The following LRMDA variants were observed in gnomAD, a reference collection of about 807,000 sequenced individuals.
LRMDA encodes leucine rich melanocyte differentiation associated, also known as leucine-rich melanocyte differentiation-associated protein.
Under a neutral mutation model 29.8 loss-of-function variants are expected in LRMDA, and 18 were observed. The observed-to-expected ratio is 0.60, with a 90% CI of 0.42 to 0.90. The LOEUF (loss-of-function observed/expected upper bound fraction) is 0.90. Among genes scored for constraint, LRMDA ranks in the 40% least tolerant of loss-of-function variants. The probability of loss-of-function intolerance (pLI) is 0.00; values close to 1 mark genes in which losing one functional copy is unlikely to be tolerated. For missense variants in LRMDA, 273 were observed against 273.9 expected (o/e 1.00, Z 0.02); for synonymous variants, 125 against 109.4 (o/e 1.14, Z -0.89).
intron 2 of LRMDA, among the ~76,000 whole-genome samples, chr10:75,615,505 A>G (rs534944066): frequency 6.6e-6 from 1 of 152,312 alleles, no homozygotes; most frequent in South Asian, 2.1e-4. Context: ...TTTTCAGATT[A>G]GGAATACTCA....
chr10:76,052,624 C>T (rs1406065697), intron 4 of LRMDA, among the ~76,000 whole-genome samples: 1 of 152,200 alleles, frequency 6.6e-6, no homozygotes, highest in Admixed American at 6.5e-5. Flanking sequence ...TTAGCTCTCT[C>T]CTTAGAGGAG....
chr10:76,298,621 G>C (rs1342443224), intron 5 of LRMDA, among the ~76,000 whole-genome samples: 1 of 152,148 alleles, frequency 6.6e-6, no homozygotes, highest in Non-Finnish European at 1.5e-5. Context: ...GAGGCCTGGG[G>C]TAGCCAAAGA....
At chr10:76,138,855 C>T (rs758924327) in intron 5 of LRMDA, among the ~76,000 whole-genome samples, 1 of 151,924 alleles carries the variant, frequency 6.6e-6, no homozygotes, top group Non-Finnish European at 1.5e-5. Flanking sequence ...TATTTAGTGG[C>T]GAGGTGTTTA....
intron 2 of LRMDA, among the ~76,000 whole-genome samples, chr10:75,951,631 C>T (rs1231575235): frequency 6.6e-6 from 1 of 152,208 alleles, no homozygotes; most frequent in Non-Finnish European, 1.5e-5. Flanking sequence ...TCTGAGGAAT[C>T]ACTTAAAACA....
At chr10:75,498,224 TGTGGGAATAGCTAGTCAAAATCTTATG>T (rs1448818201) in intron 2 of LRMDA, among the ~76,000 whole-genome samples, 5 of 152,234 alleles carry the variant, frequency 3.3e-5, no homozygotes, top group Non-Finnish European at 5.9e-5. Flanking sequence ...TTAGGGAATG[TGTGGGAATAGCTAGTCAAAATCTTATG>T]GGGCTATAAA....
intron 2 of LRMDA, among the ~76,000 whole-genome samples, chr10:75,776,399 T>C (rs1410213142): frequency 6.6e-6 from 1 of 152,230 alleles, no homozygotes; most frequent in East Asian, 1.9e-4. Flanking sequence ...TACTATTTGT[T>C]GGACTTGATT....
chr10:76,064,734 T>C (rs1286015904), intron 5 of LRMDA, among the ~76,000 whole-genome samples: 1 of 152,222 alleles, frequency 6.6e-6, no homozygotes, highest in African/African-American at 2.4e-5. Flanking sequence ...TTTTCAAGAA[T>C]ATATATTTTA....
intron 2 of LRMDA, among the ~76,000 whole-genome samples, chr10:75,983,631 A>G (rs1333130647): frequency 1.3e-5 from 2 of 152,164 alleles, no homozygotes; most frequent in Non-Finnish European, 2.9e-5. Flanking sequence ...GTGCATATAC[A>G]TACGCGTACA....
At chr10:76,180,620 G>C (rs938890605) in intron 5 of LRMDA, among the ~76,000 whole-genome samples, 6 of 152,038 alleles carry the variant, frequency 3.9e-5, no homozygotes, top group African/African-American at 1.4e-4. Flanking sequence ...ATACCTCTGA[G>C]GTTTAAAGGC....
At chr10:75,462,030 C>A (rs2132038670) in intron 2 of LRMDA, among the ~76,000 whole-genome samples, 2 of 152,358 alleles carry the variant, frequency 1.3e-5, no homozygotes, top group South Asian at 4.1e-4. Flanking sequence ...AGTACGCTAA[C>A]TTGCATTTGA....
At chr10:76,185,272 C>T (rs766831935) in intron 5 of LRMDA, among the ~76,000 whole-genome samples, 2 of 152,116 alleles carry the variant, frequency 1.3e-5, no homozygotes, top group Non-Finnish European at 2.9e-5. Context: ...GGCTAAACTT[C>T]CTGGTGGGGC....
chr10:76,278,017 G>A (rs910777664), intron 5 of LRMDA, among the ~76,000 whole-genome samples: 1 of 152,116 alleles, frequency 6.6e-6, no homozygotes, highest in Non-Finnish European at 1.5e-5. Context: ...TTTCCCAGTG[G>A]TTACTTAATC....
chr10:75,510,619 G>T (rs1845214800), intron 2 of LRMDA, among the ~76,000 whole-genome samples: 1 of 152,222 alleles, frequency 6.6e-6, no homozygotes, highest in Non-Finnish European at 1.5e-5. Flanking sequence ...AAATCTACCA[G>T]CTCCAAGCTG....
chr10:75,732,273 C>T (rs1392324640), intron 2 of LRMDA, among the ~76,000 whole-genome samples: 1 of 152,020 alleles, frequency 6.6e-6, no homozygotes, highest in African/African-American at 2.4e-5. Flanking sequence ...GGGAAGCATG[C>T]CTATGTTTGG....
At chr10:76,432,447 T>A (rs1290943812) in intron 6 of LRMDA, among the ~76,000 whole-genome samples, 1 of 152,164 alleles carries the variant, frequency 6.6e-6, no homozygotes, top group Non-Finnish European at 1.5e-5. Flanking sequence ...TTTGAGATGA[T>A]CTGGCCCCAT....
At chr10:76,014,118 A>AAT (rs1847834478) in intron 2 of LRMDA, among the ~76,000 whole-genome samples, 7 of 133,520 alleles carry the variant, frequency 5.2e-5, no homozygotes, top group Non-Finnish European at 1.1e-4. Context: ...ATATATATAT[A>AAT]TATATAATTA....
rs545250642 is a variant in LRMDA, at chr10:75,455,237, T to C, written c.131+16743T>C. The stretch of plus-strand genomic sequence containing the variant: ...TGATTTCCCCAGAACTGTCTTCAGA[T>C]ATACTCAAAGGCTGAGAACTTGACC... On this transcript the variant is annotated intron_variant, in intron 2 of 6. Coordinates refer to ENST00000611255, the MANE Select transcript of LRMDA (RefSeq NM_001305581.2). Among the ~76,000 whole-genome samples the C allele has an allele frequency of 4.6e-5, 7 of 152,328 alleles. No individual in the cohort carries two copies. The South Asian group carries it at 6.2e-4, about 14-fold the overall frequency.
At chr10:76,075,702 A>C (rs1228298786) in intron 5 of LRMDA, among the ~76,000 whole-genome samples, 1 of 152,178 alleles carries the variant, frequency 6.6e-6, no homozygotes, top group African/African-American at 2.4e-5. Flanking sequence ...GCTCATCTGT[A>C]AAATGGGTAC....
At chr10:76,532,038 A>C (rs1484223555) in intron 6 of LRMDA, among the ~76,000 whole-genome samples, 1 of 152,038 alleles carries the variant, frequency 6.6e-6, no homozygotes, top group Non-Finnish European at 1.5e-5. Flanking sequence ...ACCTCCTTCA[A>C]ACCTCTACTT....
Sources: allele counts gnomAD v4.1 joint callset (sites outside exome capture counted in the v4.1 genomes callset), GRCh38; gene constraint gnomAD v4.1.1; transcripts MANE v1.5; gene names NCBI Gene and HGNC (gene_info 2026-07-23, HGNC 2026-07-21).